CEP112: variants seen among roughly 807,000 people sequenced by gnomAD.
CEP112 encodes the protein centrosomal protein of 112 kDa.
In CEP112, 127 loss-of-function variants were observed where a neutral mutation model predicts 153.0. The observed-to-expected ratio is 0.83, with a 90% CI of 0.72 to 0.96. The LOEUF (loss-of-function observed/expected upper bound fraction) is 0.96. Ranked by LOEUF, CEP112 falls within the 40% of genes least tolerant of loss-of-function variation. The pLI is 0.00. For missense variants in CEP112, 1,089 were observed against 1,101.2 expected, an observed-to-expected ratio of 0.99 and a Z score of 0.16; for synonymous variants, 358 against 374.4, an observed-to-expected ratio of 0.96 and a Z score of 0.51.
At chr17:65,793,337 A>C (rs2054710122) in intron 21 of CEP112, among the ~76,000 whole-genome samples, 1 of 152,116 alleles carries the variant, frequency 6.6e-6, no homozygotes, top group Non-Finnish European at 1.5e-5. Context: ...GCCTGTTGGA[A>C]GGTGGGGAGT....
chr17:66,178,048 C>T (rs2072561787), intron 2 of CEP112, among the ~76,000 whole-genome samples: 1 of 152,132 alleles, frequency 6.6e-6, no homozygotes, highest in Non-Finnish European at 1.5e-5. Flanking sequence ...CTCTTGGATA[C>T]ACTGATTTCC....
intron 18 of CEP112, among the ~76,000 whole-genome samples, chr17:65,932,963 CAAAA>C (rs2061178168): frequency 6.6e-6 from 1 of 151,840 alleles, no homozygotes; most frequent in Non-Finnish European, 1.5e-5. Flanking sequence ...AATATGCAGA[CAAAA>C]GAATTAGTTT....
chr17:65,975,384 GATGTAT>G (rs1468630965), intron 17 of CEP112, among the ~76,000 whole-genome samples: 6 of 152,290 alleles, frequency 3.9e-5, no homozygotes, highest in African/African-American at 1.4e-4. Flanking sequence ...TAGAAATATA[GATGTAT>G]AAGTATGGGA....
chr17:65,843,347 T>C (rs2057597006), intron 21 of CEP112, among the ~76,000 whole-genome samples: 1 of 152,120 alleles, frequency 6.6e-6, no homozygotes, highest in Non-Finnish European at 1.5e-5. Context: ...TAATAAAAAA[T>C]ATACGGGATA....
intron 11 of CEP112, among the ~76,000 whole-genome samples, chr17:66,060,718 A>G (rs1191245011): frequency 6.6e-6 from 1 of 152,180 alleles, no homozygotes; most frequent in African/African-American, 2.4e-5. Flanking sequence ...GAACAATGAA[A>G]TTAGACCTGT....
chr17:65,801,923 A>C (rs1162594074), intron 21 of CEP112, among the ~76,000 whole-genome samples: 1 of 152,124 alleles, frequency 6.6e-6, no homozygotes, highest in Non-Finnish European at 1.5e-5. Context: ...CATGTCTCAT[A>C]ATTATTTTGC....
At chr17:65,788,833 C>T (rs72831434) in intron 21 of CEP112, among the ~76,000 whole-genome samples, 3,229 of 152,064 alleles carry the variant, frequency 0.021, 54 homozygotes, top group Middle Eastern at 0.085. Context: ...TTGCGTTTGC[C>T]GAATTACTGA....
intron 6 of CEP112, among the ~76,000 whole-genome samples, chr17:66,111,533 G>A (rs1331019974): frequency 1.3e-5 from 2 of 152,194 alleles, no homozygotes; most frequent in Non-Finnish European, 2.9e-5. Flanking sequence ...AAAAAAGGAT[G>A]AGATCATTTC....
chr17:66,094,472 A>T (rs1001427701), intron 8 of CEP112, among the ~76,000 whole-genome samples: 1 of 151,914 alleles, frequency 6.6e-6, no homozygotes, highest in Non-Finnish European at 1.5e-5. Context: ...ATGAAATTAG[A>T]CCCTTATCTC....
In CEP112 at chr17:66,096,293, A is replaced by G. The variant is rs1242142842; in HGVS notation, c.726T>C (p.Ser242=). The change falls in exon 8 of 27, where the codon AGT becomes AGC. Residue 242 remains serine, a synonymous_variant. Transcript: ENST00000535342. ...TPKFSLRKSS[S]FHDDHFLSRI... is the part of the protein sequence containing the mutation. Reference sequence around the variant, plus strand: ...GAGAGAGAAAATGATCATCATGGAAACTGCTGGATTTTCTCAGGCTGAATT... The same window carrying G: ...GAGAGAGAAAATGATCATCATGGAAGCTGCTGGATTTTCTCAGGCTGAATT... 1 of 1,613,404 alleles carries G rather than the reference A, an allele frequency of 6.2e-7. No homozygotes were observed. The highest frequency in any genetic ancestry group is 1.3e-5 in the African/African-American group (1 of 74,918).
intron 21 of CEP112, among the ~76,000 whole-genome samples, chr17:65,759,305 A>C (rs770949195): frequency 1.3e-5 from 2 of 152,106 alleles, no homozygotes; most frequent in Non-Finnish European, 2.9e-5. Context: ...TTATTCTTCT[A>C]TTTCCTTGAT....
At chr17:65,774,786 C>A (rs187981539) in intron 21 of CEP112, among the ~76,000 whole-genome samples, 4 of 152,206 alleles carry the variant, frequency 2.6e-5, no homozygotes, top group Admixed American at 1.3e-4. Flanking sequence ...TGCTGCACAG[C>A]CAAATGGTGA....
intron 18 of CEP112, among the ~76,000 whole-genome samples, chr17:65,935,586 T>C (rs772282975): frequency 1.8e-4 from 28 of 152,090 alleles, no homozygotes; most frequent in Non-Finnish European, 3.8e-4. Flanking sequence ...ATCACAATGG[T>C]ATGAAATTAA....
At chr17:65,962,607 G>A (rs368248920) in intron 17 of CEP112, among the ~76,000 whole-genome samples, 9 of 152,272 alleles carry the variant, frequency 5.9e-5, no homozygotes, top group South Asian at 2.1e-4. Context: ...ATATGGTTTG[G>A]CTCTGTGTCC....
chr17:65,733,948 A>T (rs1365868421), intron 23 of CEP112, among the ~76,000 whole-genome samples: 2 of 152,240 alleles, frequency 1.3e-5, no homozygotes, highest in African/African-American at 2.4e-5. Flanking sequence ...TTCTTTGGGA[A>T]CAAAACCTGA....
intron 24 of CEP112, among the ~76,000 whole-genome samples, chr17:65,654,507 G>C (rs149022413): frequency 6.6e-6 from 1 of 152,316 alleles, no homozygotes; most frequent in African/African-American, 2.4e-5. Context: ...CAAGGCAAGC[G>C]GGTGGCTGGT....
chr17:65,911,045 T>C (rs1421559503), intron 19 of CEP112, among the ~76,000 whole-genome samples: 1 of 152,192 alleles, frequency 6.6e-6, no homozygotes, highest in Non-Finnish European at 1.5e-5. Flanking sequence ...TCAAAAAATT[T>C]TATGCCCAGC....
At chr17:65,750,610 T>G (rs2051768051) in intron 22 of CEP112, 52 bp downstream of exon 22, 1 of 1,478,732 alleles carries the variant, frequency 6.8e-7, no homozygotes, top group Non-Finnish European at 9.4e-7. Flanking sequence ...TATGTGGAGG[T>G]TTCATTTTTG....
At chr17:65,767,297 G>T (rs192935434) in intron 21 of CEP112, among the ~76,000 whole-genome samples, 1 of 151,966 alleles carries the variant, frequency 6.6e-6, no homozygotes, top group Admixed American at 6.6e-5. Context: ...ATGGATCAAA[G>T]AAGAAATCAA....
Sources: gnomAD v4.1 joint callset for allele counts (sites outside exome capture counted in the v4.1 genomes callset) on GRCh38, gnomAD v4.1.1 for gene constraint, MANE v1.5 for transcripts, NCBI Gene and HGNC (gene_info 2026-07-23, HGNC 2026-07-21) for gene names.